The following CDKN2B-AS1 variants were observed in gnomAD, a reference collection of about 807,000 sequenced individuals.
The protein encoded by CDKN2B-AS1 is CDKN2B antisense RNA 1 (non-protein coding).
At chr9:22,098,157 C>CTGTGTGTGTG (rs35998780) in intron 4 of CDKN2B-AS1, among the ~76,000 whole-genome samples, 9 of 146,016 alleles carry the variant, frequency 6.2e-5, no homozygotes, top group African/African-American at 2.2e-4. Flanking sequence ...CTCTCTGTCT[C>CTGTGTGTGTG]TGTGTGTGTG....
chr9:22,091,721 G>T (rs1825093449), intron 4 of CDKN2B-AS1, among the ~76,000 whole-genome samples: 2 of 152,054 alleles, frequency 1.3e-5, no homozygotes, highest in South Asian at 4.2e-4. Context: ...AGGAGATTTT[G>T]GCTGAGACGA....
intron 4 of CDKN2B-AS1, among the ~76,000 whole-genome samples, chr9:22,082,157 C>G (rs1824721884): frequency 6.6e-6 from 1 of 152,194 alleles, no homozygotes; most frequent in African/African-American, 2.4e-5. Context: ...ACAGGCCAGT[C>G]TTACTGCAGA....
At chr9:22,017,613 A>G (rs1821829109) in intron 1 of CDKN2B-AS1, among the ~76,000 whole-genome samples, 1 of 152,208 alleles carries the variant, frequency 6.6e-6, no homozygotes, top group Non-Finnish European at 1.5e-5. Flanking sequence ...TGAAAACATT[A>G]TGTCAACATT....
chr9:22,121,371 A>C (rs989336647), intron 4 of CDKN2B-AS1, among the ~76,000 whole-genome samples: 6 of 34,746 alleles, frequency 1.7e-4, no homozygotes, highest in Non-Finnish European at 4.2e-4. Flanking sequence ...TTTTAAAACT[A>C]AAAAAAAACT....
intron 1 of CDKN2B-AS1, among the ~76,000 whole-genome samples, chr9:22,031,970 T>A (rs1822491976): frequency 6.6e-6 from 1 of 152,148 alleles, no homozygotes; most frequent in South Asian, 2.1e-4. Context: ...CAGTTCAATA[T>A]CCCTCAAAGA....
rs151037580 is a variant in CDKN2B-AS1 at position 22,064,832 on chromosome 9, G to A, written n.438+8445G>A. 4.8e-4 allele frequency among the ~76,000 whole-genome samples: 73 copies of A among 152,222 alleles called. No homozygotes were observed. The East Asian group carries it at 0.014, about 29-fold the overall frequency. ...TTTAACATCTCATTTCTAGCCTAAC[G>A]ACAAACCTAAAAGGTGGGCATAACA... On this transcript the variant is annotated intron_variant and non_coding_transcript_variant, in intron 4 of 4. Coordinates refer to ENST00000650946, the Ensembl canonical transcript of CDKN2B-AS1.
chr9:22,029,283 G>A lies in CDKN2B-AS1; in HGVS notation n.30-17468G>A, dbSNP rs1822367935. The stretch of plus-strand genomic sequence containing the variant: ...AAAAGAGAAAATGTGCTTTGAGAGA[G>A]AGAAAGCTATTACCGTCTTTATCAA... On this transcript the variant is annotated intron_variant and non_coding_transcript_variant, in intron 1 of 4. Transcript: ENST00000650946. 6.7e-6 allele frequency: 4 copies of A among 599,264 alleles called. No individual in the cohort carries two copies. In the South Asian group the frequency reaches 9.3e-5, roughly 14 times the overall value. The allele number at this position is 599,264 out of a possible 1,614,324, so 37.1% of individuals were successfully genotyped here.
chr9:22,001,176 T>G lies in CDKN2B-AS1; in HGVS notation n.29+6015T>G. 6.6e-6 allele frequency among the ~76,000 whole-genome samples: 1 copy of G among 152,222 alleles called. No homozygotes were observed. Among genetic ancestry groups the G allele is most frequent in the South Asian group, 2.1e-4 (1 of 4,828 alleles). Reference sequence around the variant, plus strand: ...ATAGAGAACATTGATAATGAGAGGATAGATAGATTATGCATTTGGGGAGGA... The same window carrying G: ...ATAGAGAACATTGATAATGAGAGGAGAGATAGATTATGCATTTGGGGAGGA... On this transcript the variant is annotated intron_variant and non_coding_transcript_variant, in intron 1 of 4. Coordinates refer to ENST00000650946, the Ensembl canonical transcript of CDKN2B-AS1. This position sits in a 1 kb window ranked among gnomAD's most constrained non-coding sequence, Gnocchi z 4.2.
intron 1 of CDKN2B-AS1, chr9:22,029,409 C>G (rs764681159): frequency 3.9e-6 from 3 of 779,184 alleles, no homozygotes; most frequent in South Asian, 2.7e-5. Context: ...TCTGACAAAT[C>G]CAGATTTTTT....
intron 4 of CDKN2B-AS1, among the ~76,000 whole-genome samples, chr9:22,125,920 A>ATT (rs1818011479): frequency 7.2e-5 from 11 of 152,250 alleles, no homozygotes; most frequent in Admixed American, 3.9e-4. Flanking sequence ...TAAACGAAAA[A>ATT]TCTAGATACA....
intron 1 of CDKN2B-AS1, among the ~76,000 whole-genome samples, chr9:22,018,953 C>G (rs562903124): frequency 6.6e-6 from 1 of 152,162 alleles, no homozygotes; most frequent in South Asian, 2.1e-4. Context: ...TTGAGGGAAT[C>G]AAGAGATATT....
intron 1 of CDKN2B-AS1, among the ~76,000 whole-genome samples, chr9:22,002,602 C>G (rs577528529): frequency 6.6e-6 from 1 of 152,094 alleles, no homozygotes; most frequent in East Asian, 1.9e-4. Flanking sequence ...TGCTGAAGAT[C>G]AGTTACCTAG....
At chr9:22,116,268 T>C (rs1261741265) in intron 4 of CDKN2B-AS1, among the ~76,000 whole-genome samples, 1 of 152,192 alleles carries the variant, frequency 6.6e-6, no homozygotes, top group Non-Finnish European at 1.5e-5. Context: ...CAAACGGATA[T>C]AAGTTTGAGT....
At chr9:22,100,359 A>G (rs903019779) in intron 4 of CDKN2B-AS1, among the ~76,000 whole-genome samples, 10 of 152,148 alleles carry the variant, frequency 6.6e-5, no homozygotes, top group Non-Finnish European at 1.2e-4. Context: ...CCATGTTTTT[A>G]AAATAGCTTT....
intron 4 of CDKN2B-AS1, among the ~76,000 whole-genome samples, chr9:22,113,152 T>C (rs1179776635): frequency 1.3e-5 from 2 of 152,334 alleles, no homozygotes; most frequent in Admixed American, 1.3e-4. Flanking sequence ...CTGGGTTCTC[T>C]GCTTAGAATC....
chr9:22,094,840 G>C (rs1394577333), intron 4 of CDKN2B-AS1, among the ~76,000 whole-genome samples: 1 of 144,138 alleles, frequency 6.9e-6, no homozygotes, highest in East Asian at 2.0e-4. Flanking sequence ...ATCCAGCTTT[G>C]TTCCATTGCT....
chr9:22,119,721 CATG>C (rs1826049744), intron 4 of CDKN2B-AS1: 1 of 152,218 alleles, frequency 6.6e-6, no homozygotes, highest in Non-Finnish European at 1.5e-5. Context: ...TTAAAGCTTT[CATG>C]ATGAGTGCCA....
chr9:22,012,020 TAACTC>T (rs1821530182), intron 1 of CDKN2B-AS1: 2 of 523,820 alleles, frequency 3.8e-6, no homozygotes, highest in East Asian at 3.3e-5. Context: ...ATGTTGCACA[TAACTC>T]AGATCACTAG....
chr9:22,047,015 G>A (rs976851423), intron 2 of CDKN2B-AS1: 2 of 152,036 alleles, frequency 1.3e-5, no homozygotes, highest in African/African-American at 4.8e-5. Context: ...TTGAGCCCTC[G>A]TTTATTTTTC....
Sources: allele counts gnomAD v4.1 joint callset (sites outside exome capture counted in the v4.1 genomes callset), GRCh38; gene constraint gnomAD v4.1.1; non-coding constraint Gnocchi (gnomAD v3.1); transcripts MANE v1.5; gene names NCBI Gene and HGNC (gene_info 2026-07-23, HGNC 2026-07-21).